Variants in NEK10 observed in about 807,000 individuals in gnomAD.
NEK10 encodes the protein serine/threonine-protein kinase Nek10.
In NEK10, 122 loss-of-function variants were observed where a neutral mutation model predicts 159.8. The ratio of observed to expected loss-of-function variants is 0.76; its 90% confidence interval spans 0.66 to 0.89. The LOEUF (loss-of-function observed/expected upper bound fraction) is 0.89. Ranked by LOEUF, NEK10 falls within the 40% of genes least tolerant of loss-of-function variation. NEK10 has a pLI of 0.00. For missense variants in NEK10, 1,342 were observed against 1,323.1 expected, an observed-to-expected ratio of 1.01 and a Z score of -0.22; for synonymous variants, 466 against 457.1, an observed-to-expected ratio of 1.02 and a Z score of -0.25.
chr3:27,134,743 A>G (rs1943008206), intron 31 of NEK10, among the ~76,000 whole-genome samples: 1 of 152,204 alleles, frequency 6.6e-6, no homozygotes, highest in African/African-American at 2.4e-5. Context: ...AATTATTACA[A>G]TGGACAGCAC....
rs920281763 is a variant in NEK10 at position 27,345,151 on chromosome 3, T to C, written c.264-781A>G. Among the ~76,000 whole-genome samples the C allele has an allele frequency of 3.3e-5, 5 of 152,228 alleles. No individual in the cohort carries two copies. In the East Asian group the frequency reaches 9.6e-4, roughly 29 times the overall value. On this transcript the variant is annotated intron_variant, in intron 4 of 35. Coordinates refer to ENST00000691995, the MANE Select transcript of NEK10 (RefSeq NM_001394966.1). ...CTAGAACAAATAAGCTGGAATTCCA[T>C]GAACATACAACCTCAAAGGAAAGGT...
chr3:27,199,479 G>A (rs768802903), intron 25 of NEK10, among the ~76,000 whole-genome samples: 13 of 152,242 alleles, frequency 8.5e-5, no homozygotes, highest in South Asian at 2.1e-4. Flanking sequence ...AAGGTTCAGC[G>A]AAAAAGGAAC....
chr3:27,309,144 G>GTTTTTT, intron 9 of NEK10, 139 bp from the exon 10 acceptor site: 8 of 369,848 alleles, frequency 2.2e-5, no homozygotes, highest in Middle Eastern at 8.3e-4. Flanking sequence ...AGGCTTAACT[G>GTTTTTT]TTTTTTTTTT....
chr3:27,185,084 T>C (rs1948487861), intron 26 of NEK10, among the ~76,000 whole-genome samples: 2 of 152,168 alleles, frequency 1.3e-5, no homozygotes, highest in Admixed American at 1.3e-4. Context: ...AAATCATAGA[T>C]TAGAAAACTA....
chr3:27,193,503 T>G (rs1949293329), intron 25 of NEK10, among the ~76,000 whole-genome samples: 1 of 151,430 alleles, frequency 6.6e-6, no homozygotes, highest in African/African-American at 2.4e-5. Context: ...TTTCCCCTCC[T>G]CCAGCAACAC....
intron 23 of NEK10, among the ~76,000 whole-genome samples, chr3:27,204,315 T>TTTTTTTGTTTTGTTTTTTGTTTTGTTTTG (rs1559606319): frequency 8.8e-6 from 1 of 113,186 alleles, no homozygotes; most frequent in Non-Finnish European, 1.9e-5. Flanking sequence ...TTTTTTTTTT[T>TTTTTTTGTTTTGTTTTTTGTTTTGTTTTG]TTTTTTATTA....
At chr3:27,231,351 G>A (rs1452738490) in intron 23 of NEK10, among the ~76,000 whole-genome samples, 3 of 151,936 alleles carry the variant, frequency 2.0e-5, no homozygotes, top group African/African-American at 7.2e-5. Context: ...CAAAAGTGGT[G>A]CTAAAAGGAA....
At chr3:27,245,747 T>C (rs1180445846) in intron 23 of NEK10, among the ~76,000 whole-genome samples, 1 of 152,222 alleles carries the variant, frequency 6.6e-6, no homozygotes, top group Non-Finnish European at 1.5e-5. Context: ...ATCAAATGAT[T>C]CTAATTTCTT....
chr3:27,222,159 G>A (rs565091375), intron 23 of NEK10, among the ~76,000 whole-genome samples: 45 of 152,234 alleles, frequency 3.0e-4, no homozygotes, highest in Admixed American at 8.5e-4. Flanking sequence ...GATCACCTGA[G>A]GTCAAGAGTT....
chr3:27,161,203 G>C (rs1945983236), intron 30 of NEK10, among the ~76,000 whole-genome samples: 1 of 152,162 alleles, frequency 6.6e-6, no homozygotes, highest in African/African-American at 2.4e-5. Flanking sequence ...CATTCTTGCT[G>C]TTGGAACATC....
chr3:27,118,656 T>C (rs73153169), intron 33 of NEK10, among the ~76,000 whole-genome samples: 18,162 of 152,130 alleles, frequency 0.12, 3,621 homozygotes, highest in African/African-American at 0.41. Flanking sequence ...TTTTGAGAGA[T>C]TTTTATCAAA....
At chr3:27,331,251 C>CAAAAAAAAAA (rs1247716064) in intron 5 of NEK10, among the ~76,000 whole-genome samples, 1 of 53,910 alleles carries the variant, frequency 1.9e-5, no homozygotes, top group African/African-American at 4.6e-5. Context: ...AAAAAAAAAA[C>CAAAAAAAAAA]AAAAAAAAAA....
chr3:27,307,910 A>G lies in NEK10; in HGVS notation c.752T>C (p.Ile251Thr), dbSNP rs749491574. The change falls in exon 11 of 36, where the codon ATT (isoleucine) becomes ACT (threonine). Residue 251 changes from isoleucine to threonine, a missense_variant. By Grantham distance (89) the Ile-to-Thr change is moderately conservative. Transcript: ENST00000691995. Reference protein sequence around the residue: ...ECREKISELNIVENLLMILHE... With the variant: ...ECREKISELNTVENLLMILHE... Reference sequence around the variant, plus strand: ...TAAAATCATCAACAGATTTTCTACAATGTTGAGTTCACTTATCTTCTCCCT... The same window carrying G: ...TAAAATCATCAACAGATTTTCTACAGTGTTGAGTTCACTTATCTTCTCCCT... 4 of 1,560,008 alleles carry G rather than the reference A, an allele frequency of 2.6e-6. No homozygotes were observed. Among genetic ancestry groups the G allele is most frequent in the South Asian group, 1.1e-5 (1 of 89,556 alleles).
intron 35 of NEK10, among the ~76,000 whole-genome samples, chr3:27,113,099 G>T (rs1229956845): frequency 6.6e-6 from 1 of 152,142 alleles, no homozygotes; most frequent in African/African-American, 2.4e-5. Context: ...ACAAATTCTG[G>T]AGAGTTTTTC....
At chr3:27,328,921 T>C (rs1449153556) in intron 5 of NEK10, among the ~76,000 whole-genome samples, 1 of 152,174 alleles carries the variant, frequency 6.6e-6, no homozygotes, top group African/African-American at 2.4e-5. Flanking sequence ...AACTTTGAGA[T>C]GCTTAAAGAA....
In NEK10 at chr3:27,322,248, G is replaced by A. The variant is rs200480732; in HGVS notation, c.376C>T (p.Arg126Ter). The A allele has an allele frequency of 9.1e-6, 14 of 1,543,268 alleles. No individual in the cohort carries two copies. The highest frequency in any genetic ancestry group is 2.7e-5 in the African/African-American group (2 of 73,268). ...NRLISREWVNRAPSIHFLRVL... is the reference protein window; with the variant it reads ...NRLISREWVN ...CTCAGAAAATGAATAGATGGGGCTC[G>A]ATTAACCCACTCTCTGAAAGAAGAA... is the stretch of plus-strand genomic sequence containing the variant. Residue 126 changes from arginine to a stop codon, truncating the protein, a stop_gained, in exon 6 of 36, where the codon CGA (arginine) becomes TGA (stop). Coordinates refer to ENST00000691995, the MANE Select transcript of NEK10 (RefSeq NM_001394966.1). LOFTEE classifies it high-confidence loss of function.
At chr3:27,298,153 G>T (rs901565638) in intron 13 of NEK10, among the ~76,000 whole-genome samples, 2 of 152,028 alleles carry the variant, frequency 1.3e-5, no homozygotes, top group African/African-American at 4.8e-5. Flanking sequence ...GTATTAACAT[G>T]GTTTGGCTGT....
intron 29 of NEK10, among the ~76,000 whole-genome samples, chr3:27,164,514 A>C (rs1946309654): frequency 6.6e-6 from 1 of 152,252 alleles, no homozygotes; most frequent in Non-Finnish European, 1.5e-5. Context: ...AATATCCAAA[A>C]TATTATTTCA....
In NEK10 at chr3:27,297,376, T is replaced by G. The variant is rs548741932; in HGVS notation, c.1169-136A>C. Reference sequence around the variant, plus strand: ...AAAGTAACTTCTCAAGAAACACTAATTTTCCTTTTGGCACAGCTCTGGAAG... The same window carrying G: ...AAAGTAACTTCTCAAGAAACACTAAGTTTCCTTTTGGCACAGCTCTGGAAG... On this transcript the variant is annotated intron_variant, in intron 13 of 35. Transcript: ENST00000691995. 7 of 602,720 alleles carry G rather than the reference T, an allele frequency of 1.2e-5. No individual in the cohort carries two copies. In the East Asian group the frequency reaches 1.7e-4, roughly 15 times the overall value. 37.3% of individuals were successfully genotyped at this position (602,720 alleles called of 1,614,324 possible).
Sources: gnomAD v4.1 joint callset for allele counts (sites outside exome capture counted in the v4.1 genomes callset) on GRCh38, gnomAD v4.1.1 for gene constraint, MANE v1.5 for transcripts, NCBI Gene and HGNC (gene_info 2026-07-23, HGNC 2026-07-21) for gene names.